DOCK3: variants seen among roughly 807,000 people sequenced by gnomAD.
DOCK3 encodes the protein dedicator of cytokinesis protein 3.
A neutral mutation model predicts 265.6 loss-of-function variants in DOCK3; 60 were observed. That is an observed-to-expected ratio of 0.23 (90% CI 0.18 to 0.28). The LOEUF (loss-of-function observed/expected upper bound fraction) is 0.28. Ranked by LOEUF, DOCK3 falls within the 10% of genes least tolerant of loss-of-function variation. The pLI is 1.00. For missense variants in DOCK3, 1,981 were observed against 2,594.3 expected (o/e 0.76, Z 5.14); for synonymous variants, 881 against 938.0 (o/e 0.94, Z 1.11).
chr3:50,940,883 GA>G (rs539329635), intron 5 of DOCK3, among the ~76,000 whole-genome samples: 5 of 149,672 alleles, frequency 3.3e-5, no homozygotes, highest in South Asian at 2.1e-4. Context: ...TAGGCAAAAG[GA>G]AAAAAAAACC....
At chr3:51,200,118 A>T (rs1023982979) in intron 12 of DOCK3, among the ~76,000 whole-genome samples, 33 of 152,134 alleles carry the variant, frequency 2.2e-4, no homozygotes, top group Admixed American at 4.6e-4. Context: ...ACTCTAAAAA[A>T]GCAGAGCACC....
At chr3:51,201,149 G>T (rs796428003) in intron 12 of DOCK3, among the ~76,000 whole-genome samples, 11 of 150,694 alleles carry the variant, frequency 7.3e-5, no homozygotes, top group South Asian at 2.2e-4. Context: ...ACATCATAAT[G>T]ACAGGATCAA....
At chr3:50,807,984 A>G (rs984857018) in intron 2 of DOCK3, among the ~76,000 whole-genome samples, 2 of 152,110 alleles carry the variant, frequency 1.3e-5, no homozygotes, top group African/African-American at 2.4e-5. Context: ...CAGTCCTCCC[A>G]CCTCAGTCTC....
At chr3:51,157,640 G>C (rs893816354) in intron 10 of DOCK3, among the ~76,000 whole-genome samples, 1 of 152,122 alleles carries the variant, frequency 6.6e-6, no homozygotes, top group South Asian at 2.1e-4. Flanking sequence ...CAAAGCACAG[G>C]ATCTTGAGGA....
chr3:50,865,658 A>T (rs955545461), intron 3 of DOCK3, among the ~76,000 whole-genome samples: 1 of 152,110 alleles, frequency 6.6e-6, no homozygotes, highest in Non-Finnish European at 1.5e-5. Context: ...TTTCTTTTGG[A>T]TATATAACCA....
intron 3 of DOCK3, among the ~76,000 whole-genome samples, chr3:50,861,380 C>T (rs1161049613): frequency 6.6e-6 from 1 of 152,096 alleles, no homozygotes; most frequent in South Asian, 2.1e-4. Flanking sequence ...ATGTCCCATG[C>T]GCAGATGAGA....
chr3:51,066,382 G>T (rs2081590922), intron 6 of DOCK3, among the ~76,000 whole-genome samples: 1 of 152,170 alleles, frequency 6.6e-6, no homozygotes, highest in African/African-American at 2.4e-5. Flanking sequence ...GGAATGAAGA[G>T]AAGACTATTT....
At chr3:51,100,035 A>T (rs1017849961) in intron 9 of DOCK3, among the ~76,000 whole-genome samples, 2 of 77,340 alleles carry the variant, frequency 2.6e-5, no homozygotes, top group African/African-American at 5.9e-5. Flanking sequence ...AAGGATAAAT[A>T]AAAAAAACTA....
At chr3:51,259,092 G>A (rs1040269551) in intron 22 of DOCK3, among the ~76,000 whole-genome samples, 6 of 152,180 alleles carry the variant, frequency 3.9e-5, no homozygotes, top group Non-Finnish European at 8.8e-5. Context: ...TACTAGAACA[G>A]AGGGTGTAGC....
intron 5 of DOCK3, among the ~76,000 whole-genome samples, chr3:50,993,979 A>G (rs2078195760): frequency 6.6e-6 from 1 of 152,154 alleles, no homozygotes; most frequent in African/African-American, 2.4e-5. Flanking sequence ...TATTGGTCCT[A>G]ACTTAGAAAG....
chr3:50,985,101 C>T (rs141916239), intron 5 of DOCK3, among the ~76,000 whole-genome samples: 5 of 152,256 alleles, frequency 3.3e-5, no homozygotes, highest in African/African-American at 1.2e-4. Context: ...AATAGAACCA[C>T]ATTATATGTA....
intron 2 of DOCK3, among the ~76,000 whole-genome samples, chr3:50,833,166 G>A (rs779052231): frequency 2.5e-4 from 38 of 152,116 alleles, no homozygotes; most frequent in African/African-American, 4.8e-5. Context: ...TCATCCCTCT[G>A]TTTCTTCTGA....
At position 51,322,830 on chromosome 3, in the gene DOCK3, A is replaced by T. The variant is rs997979473; in HGVS notation, c.3403-7308A>T. On this transcript the variant is annotated intron_variant, in intron 32 of 52. Coordinates refer to ENST00000266037, the MANE Select transcript of DOCK3 (RefSeq NM_004947.5). ...TTAACCTTAAATGTAAATGGGCTAA[A>T]TGCCCCATTTAAAAGACACAGACTG... Among the ~76,000 whole-genome samples, 10 of 152,232 alleles carry T rather than the reference A, an allele frequency of 6.6e-5. 1 individual carries two copies. The highest frequency in any genetic ancestry group is 1.2e-4 in the African/African-American group (5 of 41,466).
chr3:51,381,341 C>A lies in DOCK3; in HGVS notation c.5875C>A (p.Pro1959Thr). 6.2e-7 allele frequency: 1 copy of A among 1,613,432 alleles called. No individual in the cohort carries two copies. ...CCAGCCATGCCGAAGCCACTCAGCCCCAGGGTGCGTCATCCCTCAGGACCC... is the reference window on the plus strand; with the variant it reads ...CCAGCCATGCCGAAGCCACTCAGCCACAGGGTGCGTCATCCCTCAGGACCC... Reference protein sequence around the residue: ...KAQPCRSHSAPGCVIPQDPMD... With the variant: ...KAQPCRSHSATGCVIPQDPMD... Residue 1959 changes from proline to threonine, a missense_variant, in exon 53 of 53, where the codon CCA (proline) becomes ACA (threonine). Around this residue, in one of 4 missense-constraint regions of DOCK3, gnomAD observed 149 missense variants for 144.7 expected, o/e 1.03. Transcript: ENST00000266037. This position sits in a 1 kb window ranked among gnomAD's most constrained non-coding sequence, Gnocchi z 5.6.
chr3:51,333,701 A>G (rs2110001884), intron 35 of DOCK3, among the ~76,000 whole-genome samples: 1 of 152,272 alleles, frequency 6.6e-6, no homozygotes, highest in Admixed American at 6.5e-5. Context: ...TTTTCCAGGG[A>G]CTAGGGACCC....
intron 5 of DOCK3, among the ~76,000 whole-genome samples, chr3:50,986,246 CA>C (rs1221280633): frequency 2.0e-5 from 3 of 151,538 alleles, no homozygotes; most frequent in Admixed American, 6.6e-5. Context: ...ATGAATAAAC[CA>C]AAAAAAATTA....
chr3:50,822,513 T>TA (rs1372243532), intron 2 of DOCK3, among the ~76,000 whole-genome samples: 3 of 152,122 alleles, frequency 2.0e-5, no homozygotes, highest in African/African-American at 7.2e-5. Context: ...TTTTTTTTTT[T>TA]AGAGTCAAGG....
chr3:51,298,143 C>A (rs2109299557), intron 27 of DOCK3, among the ~76,000 whole-genome samples: 1 of 152,290 alleles, frequency 6.6e-6, no homozygotes, highest in African/African-American at 2.4e-5. Context: ...TAGGTATACT[C>A]AGATTTTCTA....
chr3:51,381,471 G>A lies in DOCK3; in HGVS notation c.6005G>A (p.Gly2002Asp). ...LLREETERPR[G>D]LHRKAPLPPG... ...CGTGAAGAGACTGAGAGGCCTCGAG[G>A]CCTGCACCGCAAGGCTCCATTGCCT... Residue 2002 changes from glycine to aspartate, a missense_variant, in exon 53 of 53, where the codon GGC becomes GAC. Gly to Asp is a moderately conservative substitution (Grantham distance 94). Transcript: ENST00000266037. This position sits in a 1 kb window ranked among gnomAD's most constrained non-coding sequence, Gnocchi z 5.6. The A allele has an allele frequency of 6.3e-7, 1 of 1,594,336 alleles. No homozygotes were observed. Among genetic ancestry groups the A allele is most frequent in the Non-Finnish European group, 8.5e-7 (1 of 1,171,166 alleles).
Sources: gnomAD v4.1 joint callset for allele counts (sites outside exome capture counted in the v4.1 genomes callset) on GRCh38, gnomAD v4.1.1 for gene constraint, gnomAD v4.1.1 regional missense constraint, Gnocchi (gnomAD v3.1) non-coding constraint, MANE v1.5 for transcripts, NCBI Gene and HGNC (gene_info 2026-07-23, HGNC 2026-07-21) for gene names.